Variants in CSMD1 observed in about 807,000 individuals in gnomAD.
CSMD1 encodes the protein CUB and sushi domain-containing protein 1.
Under a neutral mutation model 417.5 loss-of-function variants are expected in CSMD1, and 213 were observed. The observed-to-expected ratio is 0.51, with a 90% CI of 0.46 to 0.57. CSMD1 has a LOEUF of 0.57. Ranked by LOEUF, CSMD1 falls within the 20% of genes least tolerant of loss-of-function variation. The probability of loss-of-function intolerance (pLI) is 0.00; values close to 1 mark genes in which losing one functional copy is unlikely to be tolerated. For missense variants in CSMD1, 6,923 were observed against 4,529.7 expected (o/e 1.53, Z -15.17); for synonymous variants, 2,862 against 1,736.8 (o/e 1.65, Z -16.11).
chr8:4,449,500 C>G (rs1178260702), intron 2 of CSMD1, among the ~76,000 whole-genome samples: 1 of 152,078 alleles, frequency 6.6e-6, no homozygotes, highest in Admixed American at 6.5e-5. Context: ...TATGAAGTTA[C>G]TTGTCATTTT....
In CSMD1 at chr8:3,616,882, T is replaced by C. The variant is rs774841129; in HGVS notation, c.1010-85A>G. The C allele has an allele frequency of 1.2e-5, 10 of 868,502 alleles. No individual in the cohort carries two copies. The Middle Eastern group carries it at 6.7e-4, about 58-fold the overall frequency. The allele number at this position is 868,502 out of a possible 1,614,324, so 53.8% of individuals were successfully genotyped here. On this transcript the variant is annotated intron_variant, in intron 7 of 69. Transcript: ENST00000635120. The stretch of plus-strand genomic sequence containing the variant: ...AAAAATTTATTCTAGGCATTTTCAG[T>C]TCTTTAATGATAATGACTTAAAATG...
chr8:3,301,966 A>T (rs1295373848), intron 25 of CSMD1, among the ~76,000 whole-genome samples: 1 of 152,164 alleles, frequency 6.6e-6, no homozygotes, highest in East Asian at 1.9e-4. Context: ...CGTCTAAAGA[A>T]ATCTCATATA....
chr8:3,394,057 G>T (rs77315815), intron 17 of CSMD1, among the ~76,000 whole-genome samples: 11,538 of 78,772 alleles, frequency 0.15, 923 homozygotes, highest in Non-Finnish European at 0.21. Context: ...TATATATATA[G>T]AAAAAAAGAA....
chr8:3,034,399 G>A (rs1411224440), intron 50 of CSMD1, among the ~76,000 whole-genome samples: 1 of 152,116 alleles, frequency 6.6e-6, no homozygotes. Flanking sequence ...CAGTTAGGCT[G>A]AAAAACTGAA....
chr8:3,914,951 A>G (rs920653338), intron 5 of CSMD1, among the ~76,000 whole-genome samples: 1 of 152,206 alleles, frequency 6.6e-6, no homozygotes, highest in Non-Finnish European at 1.5e-5. Flanking sequence ...CGACAACAAC[A>G]AAACAGTATT....
chr8:3,175,514 T>TC (rs1820875524), intron 37 of CSMD1, among the ~76,000 whole-genome samples: 2 of 135,856 alleles, frequency 1.5e-5, no homozygotes, highest in Non-Finnish European at 3.1e-5. Context: ...CCTGCCTTTT[T>TC]TCCTTCCTTC....
At chr8:4,403,639 G>A (rs951713544) in intron 3 of CSMD1, among the ~76,000 whole-genome samples, 5 of 152,076 alleles carry the variant, frequency 3.3e-5, no homozygotes, top group African/African-American at 1.2e-4. Flanking sequence ...TACTTAGTCG[G>A]TGTTTATTTG....
At chr8:3,826,912 G>C (rs532502089) in intron 5 of CSMD1, among the ~76,000 whole-genome samples, 3 of 152,084 alleles carry the variant, frequency 2.0e-5, no homozygotes, top group African/African-American at 2.4e-5. Context: ...TCAGCCTCTT[G>C]AGTAGCTGAA....
chr8:3,264,832 T>A (rs967794020), intron 26 of CSMD1, among the ~76,000 whole-genome samples: 1 of 150,936 alleles, frequency 6.6e-6, no homozygotes, highest in Admixed American at 6.7e-5. Context: ...AAAACTATAC[T>A]GATACTATAT....
intron 25 of CSMD1, among the ~76,000 whole-genome samples, chr8:3,307,377 G>A (rs62504427): frequency 0.091 from 13,769 of 151,332 alleles, 819 homozygotes; most frequent in Non-Finnish European, 0.13. Flanking sequence ...GCAGTCTCAC[G>A]CAGATCAGAA....
At chr8:4,080,521 A>C (rs182674238) in intron 3 of CSMD1, among the ~76,000 whole-genome samples, 18 of 152,348 alleles carry the variant, frequency 1.2e-4, no homozygotes, top group Admixed American at 9.8e-4. Context: ...GATACTGATC[A>C]AGACTGTCTT....
rs934361994 is a variant in CSMD1 at position 3,029,465 on chromosome 8, C to G, written c.7709G>C (p.Trp2570Ser). The change falls in exon 51 of 70, where the codon TGG becomes TCG. Residue 2570 changes from tryptophan to serine, a missense_variant. Physicochemically the swap from Trp to Ser is radical, Grantham distance 177. Coordinates refer to ENST00000635120, the MANE Select transcript of CSMD1 (RefSeq NM_033225.6). ...ATTCAAGGATCCTGAAACCAGCCTC[C>G]AGATGACATGTTCTGAGAGCTGAGC... ...IEAQLSEHVI[W>S]RLVSGSLNEY... 1 of 1,607,390 alleles carries G rather than the reference C, an allele frequency of 6.2e-7. No individual in the cohort carries two copies. The highest frequency in any genetic ancestry group is 8.5e-7 in the Non-Finnish European group (1 of 1,176,992).
chr8:3,890,357 C>G (rs998227809), intron 5 of CSMD1, among the ~76,000 whole-genome samples: 1 of 152,030 alleles, frequency 6.6e-6, no homozygotes, highest in Non-Finnish European at 1.5e-5. Context: ...GCAGGGTTTA[C>G]TACTTGGTAG....
At chr8:4,850,927 AT>A (rs1210703836) in intron 1 of CSMD1, among the ~76,000 whole-genome samples, 2 of 132,088 alleles carry the variant, frequency 1.5e-5, no homozygotes, top group South Asian at 2.8e-4. Flanking sequence ...TTTTGTGGTT[AT>A]TTTTTTATCC....
At chr8:4,178,276 A>G (rs1404950444) in intron 3 of CSMD1, among the ~76,000 whole-genome samples, 1 of 151,804 alleles carries the variant, frequency 6.6e-6, no homozygotes, top group African/African-American at 2.4e-5. Flanking sequence ...CTGGTTCAAT[A>G]TACGCAAATC....
intron 1 of CSMD1, among the ~76,000 whole-genome samples, chr8:4,842,091 T>A (rs1800878210): frequency 1.3e-5 from 2 of 152,140 alleles, no homozygotes; most frequent in African/African-American, 4.8e-5. Flanking sequence ...ATGTGTACCA[T>A]TCTGTATGAG....
At position 4,430,460 on chromosome 8, in the gene CSMD1, G is replaced by C. The variant is rs114343603; in HGVS notation, c.303-10395C>G. ...CCTGAGAGGAATTTCATTTGGTTAT[G>C]GTGATTTAATAGACATGGTATATCA... On this transcript the variant is annotated intron_variant, in intron 2 of 69. Coordinates refer to ENST00000635120, the MANE Select transcript of CSMD1 (RefSeq NM_033225.6). 6.0e-3 allele frequency among the ~76,000 whole-genome samples: 908 copies of C among 152,090 alleles called. 8 individuals carry two copies. Among genetic ancestry groups the C allele is most frequent in the African/African-American group, 0.021 (856 of 41,490 alleles).
chr8:4,202,648 A>C (rs1422805949), intron 3 of CSMD1, among the ~76,000 whole-genome samples: 2 of 152,326 alleles, frequency 1.3e-5, no homozygotes, highest in East Asian at 3.9e-4. Context: ...TCTCGAATAC[A>C]ACCAACCCTG....
At position 4,670,553 on chromosome 8, in the gene CSMD1, G is replaced by A. The variant is rs528789502; in HGVS notation, c.86-32995C>T. ...GGATACTGTGTCTTATATTCTGATC[G>A]TTACCCTTAATATAAAAATAAAGCA... On this transcript the variant is annotated intron_variant, in intron 1 of 69. Coordinates refer to ENST00000635120, the MANE Select transcript of CSMD1 (RefSeq NM_033225.6). Among the ~76,000 whole-genome samples, 13 of 152,158 alleles carry A rather than the reference G, an allele frequency of 8.5e-5. No homozygotes were observed. In the East Asian group the frequency reaches 1.7e-3, roughly 20 times the overall value.
Sources: allele counts gnomAD v4.1 joint callset (sites outside exome capture counted in the v4.1 genomes callset), GRCh38; gene constraint gnomAD v4.1.1; transcripts MANE v1.5; gene names NCBI Gene and HGNC (gene_info 2026-07-23, HGNC 2026-07-21).